The following YWHAB variants were observed in gnomAD, a reference collection of about 807,000 sequenced individuals.
YWHAB encodes 14-3-3 protein beta/alpha.
A neutral mutation model predicts 28.5 loss-of-function variants in YWHAB; 2 were observed. The ratio of observed to expected loss-of-function variants is 0.07; its 90% CI spans 0.03 to 0.22. The LOEUF (loss-of-function observed/expected upper bound fraction) is 0.22, where lower values mean the gene tolerates loss of function less well. Ranked by LOEUF, YWHAB falls within the 10% of genes least tolerant of loss-of-function variation. YWHAB has a pLI of 1.00. For synonymous variants in YWHAB, 103 were observed against 104.7 expected (o/e 0.98, Z 0.10); for missense variants, 148 against 297.1 (o/e 0.50, Z 3.69).
intron 1 of YWHAB, among the ~76,000 whole-genome samples, chr20:44,894,408 T>C (rs1173062193): frequency 6.6e-6 from 1 of 152,160 alleles, no homozygotes; most frequent in Non-Finnish European, 1.5e-5. Flanking sequence ...TCATTCAAAG[T>C]CTTGGAACAA....
chr20:44,908,171 A>C lies in YWHAB; in HGVS notation c.*1733A>C, dbSNP rs1398199209. 8.4e-5 allele frequency: 11 copies of C among 131,340 alleles called. No homozygotes were observed. The highest frequency in any genetic ancestry group is 3.3e-4 in the African/African-American group (10 of 30,262). 8.1% of individuals were successfully genotyped at this position (131,340 alleles called of 1,614,324 possible). A position where few individuals can be genotyped will look rare whatever the true frequency, so the allele number is the denominator to read the frequency against. On this transcript the variant is annotated 3_prime_UTR_variant, in exon 6 of 6. Transcript: ENST00000353703. ...TAAAACAAACCAAAAAAAAAGAAAA[A>C]AACAAAAAAAAAAATCCCTCCTTTC...
In YWHAB at chr20:44,894,244, G is replaced by A. The variant is rs76405294; in HGVS notation, c.-3-7287G>A. 3.5e-3 allele frequency among the ~76,000 whole-genome samples: 532 copies of A among 152,312 alleles called. 23 individuals carry two copies. In the East Asian group the frequency reaches 0.089, roughly 25 times the overall value. ...GGAAAATCTCTTGGCTTACTGCAGG[G>A]TTGGGCCTTTTGTGGCCTCTAATGA... On this transcript the variant is annotated intron_variant, in intron 1 of 5. Coordinates refer to ENST00000353703, the MANE Select transcript of YWHAB (RefSeq NM_139323.4).
At chr20:44,904,713 T>A (rs1218082443) in intron 3 of YWHAB, among the ~76,000 whole-genome samples, 1 of 152,238 alleles carries the variant, frequency 6.6e-6, no homozygotes, top group Non-Finnish European at 1.5e-5. Context: ...TTCTATATTG[T>A]TAAAGGTTAT....
intron 1 of YWHAB, among the ~76,000 whole-genome samples, chr20:44,893,592 C>T (rs1200085533): frequency 2.0e-5 from 3 of 151,898 alleles, no homozygotes; most frequent in Non-Finnish European, 2.9e-5. Flanking sequence ...CAGCCTCGTC[C>T]CTCCAGCCCC....
At chr20:44,891,320 G>A (rs2066560614) in intron 1 of YWHAB, among the ~76,000 whole-genome samples, 1 of 152,040 alleles carries the variant, frequency 6.6e-6, no homozygotes, top group South Asian at 2.1e-4. Flanking sequence ...TGGCCAGGCT[G>A]GTCTTGAACT....
Position 44,905,958 on chromosome 20 carries a change from C to G in YWHAB, c.589-43C>G, listed in dbSNP as rs774850833. ...GGAAAAAAAGTGGGCTAAACTAGCT[C>G]CAGAGAACTTGTGAATTCTTTGCTA... is the stretch of plus-strand genomic sequence containing the variant. On this transcript the variant is annotated intron_variant, in intron 4 of 5. Coordinates refer to ENST00000353703, the MANE Select transcript of YWHAB (RefSeq NM_139323.4). The G allele has an allele frequency of 2.6e-6, 4 of 1,546,708 alleles. No homozygotes were observed. The South Asian group carries it at 3.4e-5, about 13-fold the overall frequency.
Position 44,904,007 on chromosome 20 carries a change from A to G in YWHAB, c.315A>G (p.Lys105=). The G allele has an allele frequency of 6.3e-7, 1 of 1,593,836 alleles. No homozygotes were observed. Among genetic ancestry groups the G allele is most frequent in the South Asian group, 1.2e-5 (1 of 86,350 alleles). Residue 105 remains lysine, a synonymous_variant, in exon 3 of 6, where the codon AAA becomes AAG. Coordinates refer to ENST00000353703, the MANE Select transcript of YWHAB (RefSeq NM_139323.4). Reference sequence around the variant, plus strand: ...TCATTTTTTAGGAGCTGTTGGACAAATATCTTATTCCCAATGCTACACAAC... The same window carrying G: ...TCATTTTTTAGGAGCTGTTGGACAAGTATCTTATTCCCAATGCTACACAAC... ...ICNDVLELLD[K]YLIPNATQPE... is the part of the protein sequence containing the mutation.
chr20:44,893,231 C>G (rs959668812), intron 1 of YWHAB, among the ~76,000 whole-genome samples: 2 of 152,102 alleles, frequency 1.3e-5, no homozygotes, highest in African/African-American at 4.8e-5. Flanking sequence ...GATAGAGGGG[C>G]TAGGCTGTTT....
chr20:44,899,897 CT>C (rs2066616824), intron 1 of YWHAB, among the ~76,000 whole-genome samples: 1 of 152,180 alleles, frequency 6.6e-6, no homozygotes, highest in African/African-American at 2.4e-5. Context: ...TGCTGTACAT[CT>C]TGTTATACAC....
intron 1 of YWHAB, among the ~76,000 whole-genome samples, chr20:44,892,777 G>A (rs2145526786): frequency 6.6e-6 from 1 of 152,276 alleles, no homozygotes. Context: ...AAGTTATAAT[G>A]TGGAAATGTA....
At chr20:44,893,589 G>A (rs569139210) in intron 1 of YWHAB, among the ~76,000 whole-genome samples, 64 of 151,372 alleles carry the variant, frequency 4.2e-4, no homozygotes, top group Non-Finnish European at 6.9e-4. Context: ...GTGCAGCCTC[G>A]TCCCTCCAGC....
chr20:44,905,174 G>A, intron 4 of YWHAB, 43 bp downstream of exon 4: 1 of 1,546,030 alleles, frequency 6.5e-7, no homozygotes, highest in Non-Finnish European at 8.7e-7. Context: ...GCAAAACAGT[G>A]CTTGTGTTAT....
chr20:44,905,749 T>C (rs1180499954), intron 4 of YWHAB: 1 of 362,498 alleles, frequency 2.8e-6, no homozygotes, highest in East Asian at 4.2e-5. Context: ...TGTGCTAGGG[T>C]TAGCAGTAAT....
intron 2 of YWHAB, chr20:44,902,514 G>A (rs924688502): frequency 6.6e-6 from 1 of 152,146 alleles, no homozygotes; most frequent in African/African-American, 2.4e-5. Flanking sequence ...GGTGAAATCA[G>A]GTAAAAATGA....
In YWHAB at chr20:44,885,725, C is replaced by G. The variant is rs925570032; in HGVS notation, c.-165C>G. On this transcript the variant is annotated 5_prime_UTR_variant, in exon 1 of 6. Transcript: ENST00000353703. Reference sequence around the variant, plus strand: ...GGAGCGGAAGTGGAGCTACCGCCACCGCCGCCGCCGATTCCGGAGCCGGGG... The same window carrying G: ...GGAGCGGAAGTGGAGCTACCGCCACGGCCGCCGCCGATTCCGGAGCCGGGG... The G allele has an allele frequency of 5.7e-6, 1 of 174,998 alleles. No individual in the cohort carries two copies. The highest frequency in any genetic ancestry group is 2.4e-5 in the African/African-American group (1 of 41,384). 10.8% of individuals were successfully genotyped at this position (174,998 alleles called of 1,614,324 possible).
rs569864061 is a variant in YWHAB at position 44,901,346 on chromosome 20, G to T, written c.-3-185G>T. Among the ~76,000 whole-genome samples the T allele has an allele frequency of 2.0e-5, 3 of 152,200 alleles. No individual in the cohort carries two copies. In the South Asian group the frequency reaches 6.2e-4, roughly 32 times the overall value. On this transcript the variant is annotated intron_variant, in intron 1 of 5. Coordinates refer to ENST00000353703, the MANE Select transcript of YWHAB (RefSeq NM_139323.4). Reference sequence around the variant, plus strand: ...ATTACTGGACCAAAATAATATAAAGGCCTTAGCAAAGTACTTAACCCTAGA... The same window carrying T: ...ATTACTGGACCAAAATAATATAAAGTCCTTAGCAAAGTACTTAACCCTAGA...
At chr20:44,886,115 C>A (rs1025223143) in intron 1 of YWHAB, 1 of 152,296 alleles carries the variant, frequency 6.6e-6, no homozygotes, top group African/African-American at 2.4e-5. Context: ...GCCTGAGGTC[C>A]TGCCGGCCGG....
chr20:44,893,696 T>C (rs1411373301), intron 1 of YWHAB, among the ~76,000 whole-genome samples: 1 of 91,456 alleles, frequency 1.1e-5, no homozygotes, highest in Non-Finnish European at 2.4e-5. Flanking sequence ...TCCCCTGCCT[T>C]TTTTTTTTTT....
intron 2 of YWHAB, chr20:44,903,728 C>T (rs985627135): frequency 1.6e-5 from 5 of 304,390 alleles, no homozygotes; most frequent in Non-Finnish European, 3.0e-5. Context: ...AGCTCTGCAT[C>T]ATTTTAAAGG....
Sources: gnomAD v4.1 joint callset for allele counts (sites outside exome capture counted in the v4.1 genomes callset) on GRCh38, gnomAD v4.1.1 for gene constraint, MANE v1.5 for transcripts, NCBI Gene and HGNC (gene_info 2026-07-23, HGNC 2026-07-21) for gene names.